ANKFN1: variants seen among roughly 807,000 people sequenced by gnomAD.
ANKFN1 encodes ankyrin repeat and fibronectin type III domain containing 1.
In ANKFN1, 74 loss-of-function variants were observed where a neutral mutation model predicts 108.7. That is an observed-to-expected ratio of 0.68 (90% CI 0.56 to 0.83). The LOEUF is 0.83. ANKFN1 is among the 40% of genes least tolerant of loss of function. The pLI, the probability that ANKFN1 is intolerant of heterozygous loss-of-function variation, is 0.00. For missense variants in ANKFN1, 1,505 were observed against 1,382.3 expected (o/e 1.09, Z -1.41); for synonymous variants, 547 against 516.2 (o/e 1.06, Z -0.81).
At position 56,350,709 on chromosome 17, in the gene ANKFN1, A is replaced by G. The variant is rs528173123; in HGVS notation, c.189-57A>G. The stretch of plus-strand genomic sequence containing the variant: ...TACTGACTGGAGATGATAAAATCAT[A>G]TGTCAACTTATAATTTGTGGTGTAA... On this transcript the variant is annotated intron_variant, in intron 4 of 20. Coordinates refer to ENST00000682825, the MANE Select transcript of ANKFN1 (RefSeq NM_001370326.1). 3.4e-6 allele frequency: 5 copies of G among 1,484,084 alleles called. No individual in the cohort carries two copies. The South Asian group carries it at 5.7e-5, about 17-fold the overall frequency. The allele number at this position is 1,484,084 out of a possible 1,614,324, so 91.9% of individuals were successfully genotyped here.
At chr17:56,346,160 G>T (rs1350590218) in intron 4 of ANKFN1, among the ~76,000 whole-genome samples, 2 of 152,036 alleles carry the variant, frequency 1.3e-5, no homozygotes, top group Admixed American at 6.6e-5. Context: ...TTTCCACATT[G>T]CTTGTTTTTG....
At chr17:56,473,559 A>ATTACACGCCTGTAATCCC (rs1313025175) in intron 15 of ANKFN1, 73 of 151,576 alleles carry the variant, frequency 4.8e-4, no homozygotes, top group African/African-American at 1.6e-3. Flanking sequence ...GCTACTCGGG[A>ATTACACGCCTGTAATCCC]AGCTGAGGCA....
intron 4 of ANKFN1, among the ~76,000 whole-genome samples, chr17:56,338,640 G>GT (rs1169134674): frequency 4.3e-4 from 64 of 149,966 alleles, no homozygotes; most frequent in Admixed American, 1.0e-3. Context: ...AACACTTGAG[G>GT]TTTCTTTTTT....
chr17:56,492,447 C>A (rs998696134), intron 19 of ANKFN1, 94 bp downstream of exon 19: 2 of 635,774 alleles, frequency 3.1e-6, no homozygotes. Flanking sequence ...GCAGTCCAGG[C>A]TGATTCAAAG....
upstream of ANKFN1, among the ~76,000 whole-genome samples, chr17:56,151,266 T>C (rs1035851547): frequency 2.0e-5 from 3 of 152,184 alleles, no homozygotes; most frequent in Non-Finnish European, 4.4e-5. Flanking sequence ...TCCCTTTGGT[T>C]GGAATCTTCC....
chr17:56,234,221 C>T (rs994415031), intron 3 of ANKFN1, among the ~76,000 whole-genome samples: 1 of 152,064 alleles, frequency 6.6e-6, no homozygotes, highest in South Asian at 2.1e-4. Flanking sequence ...AGTAACACAC[C>T]TTTATATGGT....
At chr17:56,348,539 G>A (rs991443170) in intron 4 of ANKFN1, among the ~76,000 whole-genome samples, 20 of 152,006 alleles carry the variant, frequency 1.3e-4, no homozygotes, top group African/African-American at 4.6e-4. Flanking sequence ...GCATCTACAA[G>A]GAACTTGAAC....
At chr17:56,176,436 A>C (rs1048315527) in intron 1 of ANKFN1, among the ~76,000 whole-genome samples, 6 of 152,206 alleles carry the variant, frequency 3.9e-5, no homozygotes, top group Non-Finnish European at 8.8e-5. Flanking sequence ...GATTTGATGG[A>C]TATGCACTTG....
At chr17:56,179,108 G>A (rs995563564) in intron 1 of ANKFN1, among the ~76,000 whole-genome samples, 1 of 152,104 alleles carries the variant, frequency 6.6e-6, no homozygotes, top group African/African-American at 2.4e-5. Context: ...TGAGGGTGGT[G>A]AGATGTCATT....
At chr17:56,180,380 A>AT (rs1318121631) in intron 1 of ANKFN1, among the ~76,000 whole-genome samples, 1 of 152,168 alleles carries the variant, frequency 6.6e-6, no homozygotes, top group Non-Finnish European at 1.5e-5. Context: ...CTGTAAGCCC[A>AT]TTCTTACCTC....
At chr17:56,189,030 G>A (rs1912581515) in intron 1 of ANKFN1, among the ~76,000 whole-genome samples, 1 of 151,946 alleles carries the variant, frequency 6.6e-6, no homozygotes, top group African/African-American at 2.4e-5. Context: ...GGTACTGGGA[G>A]GGTGGTGCAT....
intron 3 of ANKFN1, among the ~76,000 whole-genome samples, chr17:56,265,973 A>G (rs1438367969): frequency 6.6e-6 from 1 of 152,182 alleles, no homozygotes; most frequent in Non-Finnish European, 1.5e-5. Flanking sequence ...ATATTATCTG[A>G]TAGGGGAGGC....
intron 3 of ANKFN1, among the ~76,000 whole-genome samples, chr17:56,314,496 G>A (rs948139991): frequency 3.3e-5 from 5 of 152,062 alleles, no homozygotes; most frequent in Non-Finnish European, 5.9e-5. Flanking sequence ...AATTCTCTGA[G>A]GACTAATCAT....
At chr17:56,181,027 C>T (rs1760738834) in intron 1 of ANKFN1, among the ~76,000 whole-genome samples, 2 of 152,184 alleles carry the variant, frequency 1.3e-5, no homozygotes, top group African/African-American at 4.8e-5. Context: ...GAGCAACTTT[C>T]AAAGGCAGTT....
intron 3 of ANKFN1, among the ~76,000 whole-genome samples, chr17:56,268,913 A>G (rs1440313058): frequency 6.6e-6 from 1 of 152,164 alleles, no homozygotes; most frequent in Non-Finnish European, 1.5e-5. Flanking sequence ...GAGATTTAAG[A>G]TAAATAAATA....
At chr17:56,468,994 A>G (rs1318244853) in intron 15 of ANKFN1, among the ~76,000 whole-genome samples, 2 of 152,192 alleles carry the variant, frequency 1.3e-5, no homozygotes, top group African/African-American at 2.4e-5. Flanking sequence ...GGTCTGGGCT[A>G]CCTTTGCTCC....
At chr17:56,309,219 C>G (rs1038841466) in intron 3 of ANKFN1, among the ~76,000 whole-genome samples, 1 of 152,084 alleles carries the variant, frequency 6.6e-6, no homozygotes, top group Non-Finnish European at 1.5e-5. Context: ...ATTATAGATT[C>G]AATTTCCTTA....
At chr17:56,505,380 C>T (rs2051520844) in intron 20 of ANKFN1, among the ~76,000 whole-genome samples, 4 of 152,314 alleles carry the variant, frequency 2.6e-5, no homozygotes, top group Non-Finnish European at 4.4e-5. Context: ...ATTTATAGCA[C>T]AAGAGGTTAC....
chr17:56,155,686 A>G (rs1289983614), intron 1 of ANKFN1, among the ~76,000 whole-genome samples: 1 of 152,152 alleles, frequency 6.6e-6, no homozygotes, highest in Non-Finnish European at 1.5e-5. Context: ...TCTTAAGGCA[A>G]AGCAAGGTGC....
Sources: allele counts gnomAD v4.1 joint callset (sites outside exome capture counted in the v4.1 genomes callset), GRCh38; gene constraint gnomAD v4.1.1; transcripts MANE v1.5; gene names NCBI Gene and HGNC (gene_info 2026-07-23, HGNC 2026-07-21).